The following DCTN3 variants were observed in gnomAD, a reference collection of about 807,000 sequenced individuals.
The protein encoded by DCTN3 is dynactin 3 (p22).
DCTN3 carries 25 observed loss-of-function variants against 28.4 expected under a neutral mutation model. The observed-to-expected ratio is 0.88, with a 90% confidence interval of 0.64 to 1.23. The LOEUF (loss-of-function observed/expected upper bound fraction) is 1.23, where lower values mean the gene tolerates loss of function less well. Ranked by LOEUF, DCTN3 falls within the 50% of genes most tolerant of loss-of-function variation. The pLI is 0.00. For synonymous variants in DCTN3, 81 were observed against 91.4 expected, an observed-to-expected ratio of 0.89 and a Z score of 0.65; for missense variants, 229 against 232.0, an observed-to-expected ratio of 0.99 and a Z score of 0.08.
rs778682603 is a variant in DCTN3, at chr9:34,620,347, A to T, written c.96+22T>A. On this transcript the variant is annotated intron_variant, in intron 1 of 6. Coordinates refer to ENST00000259632, the MANE Select transcript of DCTN3 (RefSeq NM_007234.5). Reference sequence around the variant, plus strand: ...CGCTCTTGCTCTGCTCCAGAAAGGGACTACCGGACCAGACTACTCACCTTC... The same window carrying T: ...CGCTCTTGCTCTGCTCCAGAAAGGGTCTACCGGACCAGACTACTCACCTTC... 5 of 1,607,696 alleles carry T rather than the reference A, an allele frequency of 3.1e-6. No individual in the cohort carries two copies. The East Asian group carries it at 1.1e-4, about 36-fold the overall frequency.
chr9:34,618,052 A>G (rs1414685817), intron 2 of DCTN3, 81 bp from the exon 3 acceptor site: 1 of 1,397,132 alleles, frequency 7.2e-7, no homozygotes, highest in Non-Finnish European at 9.8e-7. Context: ...ACAAGTGGTC[A>G]GCCTTGAGGA....
rs1411258167 is a variant in DCTN3 at position 34,614,727 on chromosome 9, T to C, written c.394A>G (p.Ile132Val). The C allele has an allele frequency of 4.3e-6, 7 of 1,614,144 alleles. No individual in the cohort carries two copies. Among genetic ancestry groups the C allele is most frequent in the Non-Finnish European group, 5.1e-6 (6 of 1,180,046 alleles). Residue 132 changes from isoleucine (I) to valine (V), a missense_variant, in exon 5 of 7, where the codon ATC becomes GTC. By Grantham distance (29) the Ile-to-Val change is conservative (BLOSUM62 3). Coordinates refer to ENST00000259632, the MANE Select transcript of DCTN3 (RefSeq NM_007234.5). ...TCCCATACCTGCTGCTGAATGTGGATCTGGGCCAAGCGCTGCAGGCGGGCA... is the reference window on the plus strand; with the variant it reads ...TCCCATACCTGCTGCTGAATGTGGACCTGGGCCAAGCGCTGCAGGCGGGCA... ...HAARLQRLAQ[I>V]HIQQQDQCVE...
At chr9:34,617,415 G>T (rs970851993) in intron 3 of DCTN3, among the ~76,000 whole-genome samples, 1 of 152,230 alleles carries the variant, frequency 6.6e-6, no homozygotes, top group African/African-American at 2.4e-5. Flanking sequence ...CTAGCTTATA[G>T]AATGGCTGAC....
At chr9:34,614,207 G>C in intron 5 of DCTN3, 106 bp from the exon 6 acceptor site, 1 of 1,602,810 alleles carries the variant, frequency 6.2e-7, no homozygotes, top group Non-Finnish European at 8.5e-7. Context: ...GCCTAAAAAA[G>C]ATGACGCTTA....
rs74324688 is a variant in DCTN3 at position 34,614,639 on chromosome 9, C to G, written c.411+71G>C. ...ACAGAAAGGCCTGAAGCTGCTTCCC[C>G]AGGTGGCATGAGTTGGGATGAGGTG... On this transcript the variant is annotated intron_variant, in intron 5 of 6. Coordinates refer to ENST00000259632, the MANE Select transcript of DCTN3 (RefSeq NM_007234.5). The G allele has an allele frequency of 4.6e-3, 7,226 of 1,571,852 alleles. 78 individuals are homozygous for G. Among genetic ancestry groups the G allele is most frequent in the Non-Finnish European group, 4.2e-3 (4,807 of 1,143,798 alleles).
At chr9:34,620,338 C>T (rs1433637653) in intron 1 of DCTN3, 31 bp downstream of exon 1, 1 of 1,604,056 alleles carries the variant, frequency 6.2e-7, no homozygotes, top group African/African-American at 1.3e-5. Flanking sequence ...TGCTCTGCTC[C>T]AGAAAGGGAC....
chr9:34,618,004 G>A, intron 2 of DCTN3, 33 bp from the exon 3 acceptor site: 2 of 1,603,312 alleles, frequency 1.2e-6, no homozygotes, highest in Non-Finnish European at 1.7e-6. Flanking sequence ...AATGGAATAG[G>A]GTTGGGCAGT....
intron 6 of DCTN3, 71 bp from the exon 7 acceptor site, chr9:34,613,942 A>G: frequency 3.7e-6 from 6 of 1,613,174 alleles, no homozygotes; most frequent in Non-Finnish European, 5.1e-6. Context: ...ACAGGCAAAC[A>G]TAGGTGGGTA....
chr9:34,614,278 C>A, intron 5 of DCTN3, 177 bp from the exon 6 acceptor site: 1 of 1,459,540 alleles, frequency 6.9e-7, no homozygotes, highest in African/African-American at 1.4e-5. Flanking sequence ...GATGGGTGCC[C>A]TAACAGCAGT....
At chr9:34,615,174 A>C in intron 4 of DCTN3, 1 of 176,446 alleles carries the variant, frequency 5.7e-6, no homozygotes. Context: ...CTAAGCTGGA[A>C]TCCAACACGC....
chr9:34,614,510 C>T (rs1031329811), intron 5 of DCTN3, 200 bp downstream of exon 5: 2 of 651,416 alleles, frequency 3.1e-6, no homozygotes, highest in Non-Finnish European at 5.2e-6. Context: ...TAAAGTCCTG[C>T]TCTGGAAGCA....
intron 1 of DCTN3, among the ~76,000 whole-genome samples, chr9:34,619,846 G>A (rs1387646031): frequency 2.6e-5 from 4 of 152,120 alleles, no homozygotes; most frequent in African/African-American, 4.8e-5. Flanking sequence ...TTCTGTCACT[G>A]GTATAAAGCA....
intron 1 of DCTN3, 53 bp downstream of exon 1, chr9:34,620,316 G>A (rs936044065): frequency 4.5e-6 from 7 of 1,539,034 alleles, no homozygotes; most frequent in Non-Finnish European, 6.3e-6. Context: ...GGCCAGGACA[G>A]TGGACCGCTC....
Position 34,618,753 on chromosome 9 carries a change from T to C in DCTN3, c.104A>G (p.Asp35Gly). Residue 35 changes from aspartate (D) to glycine (G), a missense_variant, in exon 2 of 7, where the codon GAC (aspartate) becomes GGC (glycine). Transcript: ENST00000259632. ...AGCCACCTGCACCTTGACCAGGCCG[T>C]CAGCCACCTGTAAGGGAAGTGGTGG... ...GGARGSRKVADGLVKVQVALG... is the reference protein window; with the variant it reads ...GGARGSRKVAGGLVKVQVALG... 6.2e-7 allele frequency: 1 copy of C among 1,614,076 alleles called. No homozygotes were observed. The highest frequency in any genetic ancestry group is 8.5e-7 in the Non-Finnish European group (1 of 1,179,924).
rs1820354114 is a variant in DCTN3, at chr9:34,613,694, A to AAGCTTCC, written c.*81_*87dup. The AAGCTTCC allele has an allele frequency of 6.4e-7, 1 of 1,560,466 alleles. No individual in the cohort carries two copies. Among genetic ancestry groups the AAGCTTCC allele is most frequent in the Non-Finnish European group, 8.7e-7 (1 of 1,148,730 alleles). ...GTGGGCCTTGAAGCCAATAAATACAAAGCTTCCTCTGCCTTGTAACAAAGG... is the reference window on the plus strand; with the variant it reads ...GTGGGCCTTGAAGCCAATAAATACAAAGCTTCCAGCTTCCTCTGCCTTGTAACAAAGG... On this transcript the variant is annotated 3_prime_UTR_variant, in exon 7 of 7. Transcript: ENST00000259632.
At chr9:34,617,598 G>C (rs1270402071) in intron 3 of DCTN3, 1 of 1,322,332 alleles carries the variant, frequency 7.6e-7, no homozygotes, top group East Asian at 4.3e-5. Context: ...GTGAGCAGAA[G>C]TGAGGAAGGT....
In DCTN3 at chr9:34,616,196, G is replaced by T; in HGVS notation, c.269-83C>A. On this transcript the variant is annotated intron_variant, in intron 3 of 6. Transcript: ENST00000259632. The surrounding 1 kb of genome is among the most constrained non-coding windows in gnomAD (Gnocchi z 4.7). Reference sequence around the variant, plus strand: ...GCCCATGTAAGGGCCTGAGGACCTGGCAAGGGAGATGGCTAGGTCCTAGAG... The same window carrying T: ...GCCCATGTAAGGGCCTGAGGACCTGTCAAGGGAGATGGCTAGGTCCTAGAG... The T allele has an allele frequency of 9.6e-7, 1 of 1,036,980 alleles. No individual in the cohort carries two copies. The highest frequency in any genetic ancestry group is 1.5e-6 in the Non-Finnish European group (1 of 674,702). 64.2% of individuals were successfully genotyped at this position (1,036,980 alleles called of 1,614,324 possible).
At chr9:34,619,842 C>T (rs1820510921) in intron 1 of DCTN3, among the ~76,000 whole-genome samples, 1 of 152,298 alleles carries the variant, frequency 6.6e-6, no homozygotes, top group Admixed American at 6.5e-5. Context: ...AAAATTCTGT[C>T]ACTGGTATAA....
intron 3 of DCTN3, among the ~76,000 whole-genome samples, chr9:34,617,356 T>G (rs938046091): frequency 6.6e-6 from 1 of 152,108 alleles, no homozygotes; most frequent in African/African-American, 2.4e-5. Flanking sequence ...TGGATCAGAG[T>G]AGATGATCAT....
Sources: gnomAD v4.1 joint callset for allele counts (sites outside exome capture counted in the v4.1 genomes callset) on GRCh38, gnomAD v4.1.1 for gene constraint, Gnocchi (gnomAD v3.1) non-coding constraint, MANE v1.5 for transcripts, NCBI Gene and HGNC (gene_info 2026-07-23, HGNC 2026-07-21) for gene names.